The following SLC4A10 variants were observed in gnomAD, a reference collection of about 807,000 sequenced individuals.
SLC4A10 encodes solute carrier family 4 member 10.
A neutral mutation model predicts 137.7 loss-of-function variants in SLC4A10; 42 were observed. The ratio of observed to expected loss-of-function variants is 0.30; its 90% CI spans 0.24 to 0.39. The LOEUF (loss-of-function observed/expected upper bound fraction) is 0.39. Among genes scored for constraint, SLC4A10 ranks in the 10% least tolerant of loss-of-function variants. The probability of loss-of-function intolerance (pLI) is 1.00; values close to 1 mark genes in which losing one functional copy is unlikely to be tolerated. For missense variants in SLC4A10, 925 were observed against 1,355.0 expected (o/e 0.68, Z 4.98); for synonymous variants, 474 against 464.1 (o/e 1.02, Z -0.27).
At chr2:161,744,683 C>T (rs547006996) in intron 1 of SLC4A10, among the ~76,000 whole-genome samples, 75 of 152,020 alleles carry the variant, frequency 4.9e-4, no homozygotes, top group Admixed American at 3.1e-3. Flanking sequence ...TGACTGTAAA[C>T]GCAAACAAAC....
intron 1 of SLC4A10, among the ~76,000 whole-genome samples, chr2:161,675,117 A>G (rs2040140993): frequency 6.6e-6 from 1 of 152,212 alleles, no homozygotes; most frequent in Non-Finnish European, 1.5e-5. Flanking sequence ...GGCCAGTTCA[A>G]TGTAGCTGTA....
At chr2:161,656,546 T>C (rs978852890) in intron 1 of SLC4A10, among the ~76,000 whole-genome samples, 6 of 152,156 alleles carry the variant, frequency 3.9e-5, no homozygotes. Context: ...CACTACTCAG[T>C]TATTATGTAT....
chr2:161,727,555 A>G (rs918166091), intron 1 of SLC4A10, among the ~76,000 whole-genome samples: 2 of 152,206 alleles, frequency 1.3e-5, no homozygotes, highest in Non-Finnish European at 2.9e-5. Context: ...TAAAACCCTT[A>G]GAGAGGACAA....
chr2:161,702,640 G>A (rs1440684650), intron 1 of SLC4A10, among the ~76,000 whole-genome samples: 1 of 151,712 alleles, frequency 6.6e-6, no homozygotes, highest in East Asian at 1.9e-4. Flanking sequence ...GCTTGCTCTG[G>A]GAAAATGACT....
chr2:161,729,308 C>T (rs2046580253), intron 1 of SLC4A10, among the ~76,000 whole-genome samples: 1 of 152,072 alleles, frequency 6.6e-6, no homozygotes, highest in South Asian at 2.1e-4. Context: ...CAAAGAACGC[C>T]TCCCCCAACC....
At chr2:161,924,556 T>C (rs1048745133) in intron 15 of SLC4A10, among the ~76,000 whole-genome samples, 9 of 152,122 alleles carry the variant, frequency 5.9e-5, no homozygotes, top group Admixed American at 4.6e-4. Context: ...TTTATTTATG[T>C]CATATATAAA....
intron 1 of SLC4A10, among the ~76,000 whole-genome samples, chr2:161,729,363 A>G (rs1185262629): frequency 2.0e-5 from 3 of 152,208 alleles, no homozygotes; most frequent in Non-Finnish European, 4.4e-5. Flanking sequence ...TACAAGGTTA[A>G]ACACAGATAT....
At position 161,759,710 on chromosome 2, in the gene SLC4A10, T is replaced by A. The variant is rs569974336; in HGVS notation, c.49-11263T>A. Among the ~76,000 whole-genome samples the A allele has an allele frequency of 2.0e-5, 3 of 152,006 alleles. No homozygotes were observed. In the South Asian group the frequency reaches 6.2e-4, roughly 31 times the overall value. Reference sequence around the variant, plus strand: ...TTAAAATTAAGTTCTTTAAAAAAAATTTTGCTATTGAGTTGTATTAGTTTC... The same window carrying A: ...TTAAAATTAAGTTCTTTAAAAAAAAATTTGCTATTGAGTTGTATTAGTTTC... On this transcript the variant is annotated intron_variant, in intron 1 of 26. Transcript: ENST00000446997.
At chr2:161,660,432 G>A (rs531994568) in intron 1 of SLC4A10, among the ~76,000 whole-genome samples, 1 of 152,196 alleles carries the variant, frequency 6.6e-6, no homozygotes, top group East Asian at 1.9e-4. Context: ...GTAAGAACAA[G>A]TGGGAGTATA....
chr2:161,769,843 A>G (rs2051349510), intron 1 of SLC4A10, among the ~76,000 whole-genome samples: 1 of 151,432 alleles, frequency 6.6e-6, no homozygotes, highest in Admixed American at 6.6e-5. Context: ...GATTCCCATG[A>G]CTCTTGTATT....
intron 1 of SLC4A10, among the ~76,000 whole-genome samples, chr2:161,738,361 C>T (rs1369052271): frequency 6.6e-6 from 1 of 152,118 alleles, no homozygotes; most frequent in Non-Finnish European, 1.5e-5. Context: ...GCCTCTGAAC[C>T]AGAGTAGATT....
intron 1 of SLC4A10, among the ~76,000 whole-genome samples, chr2:161,680,951 A>G (rs1439958933): frequency 6.6e-6 from 1 of 152,120 alleles, no homozygotes; most frequent in Non-Finnish European, 1.5e-5. Flanking sequence ...TATAAGTAAC[A>G]TCTTAAAAGA....
chr2:161,643,492 T>C (rs2035592773), intron 1 of SLC4A10, among the ~76,000 whole-genome samples: 1 of 152,132 alleles, frequency 6.6e-6, no homozygotes, highest in African/African-American at 2.4e-5. Context: ...TAATATGGCA[T>C]ATATACTTTT....
At chr2:161,848,287 TAGTC>T (rs1458374464) in intron 4 of SLC4A10, among the ~76,000 whole-genome samples, 5 of 152,208 alleles carry the variant, frequency 3.3e-5, no homozygotes, top group Non-Finnish European at 7.3e-5. Flanking sequence ...TATTAAACCT[TAGTC>T]AGATGCATAG....
intron 1 of SLC4A10, among the ~76,000 whole-genome samples, chr2:161,746,989 C>G (rs1489565331): frequency 6.6e-6 from 1 of 152,140 alleles, no homozygotes; most frequent in African/African-American, 2.4e-5. Context: ...TCTTCCCTCT[C>G]CTCCCAGAGC....
At chr2:161,846,860 G>T (rs2059528725) in intron 4 of SLC4A10, among the ~76,000 whole-genome samples, 1 of 152,118 alleles carries the variant, frequency 6.6e-6, no homozygotes, top group Admixed American at 6.6e-5. Context: ...CAGCACAAGG[G>T]ATTTCTTTTG....
chr2:161,874,007 T>A lies in SLC4A10; in HGVS notation c.948+2T>A, dbSNP rs1261310316. On this transcript the variant is annotated splice_donor_variant, in intron 8 of 26. Transcript: ENST00000446997. LOFTEE classifies it high-confidence loss of function. ...CCTCCACACCAGCAAGAGAGAGAGGTGAGGGCATACTCGGGCTCTATTTCT... is the reference window on the plus strand; with the variant it reads ...CCTCCACACCAGCAAGAGAGAGAGGAGAGGGCATACTCGGGCTCTATTTCT... 3.8e-6 allele frequency: 6 copies of A among 1,586,168 alleles called. No individual in the cohort carries two copies. In the South Asian group the frequency reaches 6.8e-5, roughly 18 times the overall value.
chr2:161,753,853 G>A (rs940195024), intron 1 of SLC4A10, among the ~76,000 whole-genome samples: 1 of 128,052 alleles, frequency 7.8e-6, no homozygotes, highest in Non-Finnish European at 1.7e-5. Flanking sequence ...TAAATAACTC[G>A]AGTTATTTAT....
intron 1 of SLC4A10, among the ~76,000 whole-genome samples, chr2:161,673,764 T>G (rs904831764): frequency 6.6e-6 from 1 of 151,958 alleles, no homozygotes; most frequent in Non-Finnish European, 1.5e-5. Context: ...ACAAGGCGGG[T>G]GGATCACTTG....
Sources: gnomAD v4.1 joint callset for allele counts (sites outside exome capture counted in the v4.1 genomes callset) on GRCh38, gnomAD v4.1.1 for gene constraint, MANE v1.5 for transcripts, NCBI Gene and HGNC (gene_info 2026-07-23, HGNC 2026-07-21) for gene names.